Variants in NCAM2 observed in about 807,000 individuals in gnomAD.
NCAM2 encodes N-CAM-2.
NCAM2 carries 30 observed loss-of-function variants against 98.1 expected under a neutral mutation model. That is an observed-to-expected ratio of 0.31 (90% CI 0.23 to 0.41). The LOEUF is 0.41. NCAM2 is among the 10% of genes least tolerant of loss of function. NCAM2 has a pLI of 1.00. For synonymous variants in NCAM2, 368 were observed against 342.4 expected, an observed-to-expected ratio of 1.07 and a Z score of -0.83; for missense variants, 867 against 1,005.8, an observed-to-expected ratio of 0.86 and a Z score of 1.87.
intron 1 of NCAM2, among the ~76,000 whole-genome samples, chr21:21,149,916 T>A (rs1458990825): frequency 6.6e-6 from 1 of 152,146 alleles, no homozygotes; most frequent in Non-Finnish European, 1.5e-5. Flanking sequence ...TTTATAATCC[T>A]TTGGGTATAT....
At position 21,153,912 on chromosome 21, in the gene NCAM2, T is replaced by G. The variant is rs1270886912; in HGVS notation, c.56-126666T>G. The stretch of plus-strand genomic sequence containing the variant: ...CAAAGTATGACAGCCAAATAAAGTG[T>G]GGGAGAGAGAGAAGGGGCATGTTCA... On this transcript the variant is annotated intron_variant, in intron 1 of 17. Coordinates refer to ENST00000400546, the MANE Select transcript of NCAM2 (RefSeq NM_004540.5). Among the ~76,000 whole-genome samples, 7 of 151,956 alleles carry G rather than the reference T, an allele frequency of 4.6e-5. No individual in the cohort carries two copies. The East Asian group carries it at 1.4e-3, about 29-fold the overall frequency.
chr21:21,537,871 G>T lies in NCAM2; in HGVS notation c.2428G>T (p.Gly810Trp). Residue 810 changes from glycine to tryptophan, a missense_variant, in exon 18 of 18, where the codon GGG becomes TGG. Gly to Trp is a radical substitution (Grantham distance 184). Around this residue, in one of 5 missense-constraint regions of NCAM2, gnomAD observed 125 missense variants for 116.1 expected, o/e 1.08. Coordinates refer to ENST00000400546, the MANE Select transcript of NCAM2 (RefSeq NM_004540.5). ...AAAATTGCCTTTAAAGGAAGAAGAT[G>T]GGAAAGAAGCTCTAAATCCAGAAAC... is the stretch of plus-strand genomic sequence containing the variant. ...PEKLPLKEEDGKEALNPETIE... is the reference protein window; with the variant it reads ...PEKLPLKEEDWKEALNPETIE... The T allele has an allele frequency of 6.4e-7, 1 of 1,565,208 alleles. No individual in the cohort carries two copies. The highest frequency in any genetic ancestry group is 1.2e-5 in the South Asian group (1 of 84,548).
intron 5 of NCAM2, among the ~76,000 whole-genome samples, chr21:21,309,009 C>A (rs1468547356): frequency 6.6e-6 from 1 of 151,954 alleles, no homozygotes; most frequent in Non-Finnish European, 1.5e-5. Context: ...AAATACCTAC[C>A]CCAGAACTGA....
intron 9 of NCAM2, among the ~76,000 whole-genome samples, chr21:21,379,675 A>G (rs949874348): frequency 1.3e-5 from 2 of 151,994 alleles, no homozygotes; most frequent in African/African-American, 4.8e-5. Context: ...CATATTAACT[A>G]TTTTGGTGAA....
At chr21:21,337,742 A>G (rs1310509550) in intron 7 of NCAM2, among the ~76,000 whole-genome samples, 4 of 151,998 alleles carry the variant, frequency 2.6e-5, no homozygotes, top group African/African-American at 4.8e-5. Context: ...TATACAATTG[A>G]TGATTAAAAA....
chr21:21,274,624 T>G (rs1337506673), intron 1 of NCAM2, among the ~76,000 whole-genome samples: 1 of 152,324 alleles, frequency 6.6e-6, no homozygotes, highest in South Asian at 2.1e-4. Context: ...TTTGCTATAA[T>G]CAATAATTTA....
At chr21:21,379,180 G>C (rs1401434489) in intron 9 of NCAM2, among the ~76,000 whole-genome samples, 2 of 151,930 alleles carry the variant, frequency 1.3e-5, no homozygotes, top group Admixed American at 1.3e-4. Flanking sequence ...CTAAGAGTTT[G>C]ACAAAGTTGT....
rs61635255 is a variant in NCAM2, at chr21:21,522,632, C to CTTTTT, written c.2283-11893_2283-11889dup. Among the ~76,000 whole-genome samples the CTTTTT allele has an allele frequency of 4.3e-3, 537 of 124,714 alleles. 9 individuals are homozygous for CTTTTT. The highest frequency in any genetic ancestry group is 0.029 in the East Asian group (120 of 4,146). 81.8% of individuals were successfully genotyped at this position (124,714 alleles called of 152,430 possible). ...AAGTTCTTTTTTTCTTTTTCTTTTT[C>CTTTTT]TTTTTTTTTTTTTTTTGAGACAGAG... On this transcript the variant is annotated intron_variant, in intron 16 of 17. Transcript: ENST00000400546.
intron 12 of NCAM2, among the ~76,000 whole-genome samples, chr21:21,466,276 G>A (rs1983667713): frequency 6.6e-6 from 1 of 151,860 alleles, no homozygotes; most frequent in African/African-American, 2.4e-5. Context: ...CAGAATATAT[G>A]CATTTTAGCA....
intron 1 of NCAM2, among the ~76,000 whole-genome samples, chr21:21,227,724 G>A (rs185341700): frequency 7.5e-4 from 114 of 151,804 alleles, no homozygotes; most frequent in African/African-American, 2.6e-3. Context: ...TTTAAATTGT[G>A]GAGAAATCAT....
intron 1 of NCAM2, among the ~76,000 whole-genome samples, chr21:21,098,348 C>T (rs2066168231): frequency 6.6e-6 from 1 of 151,592 alleles, no homozygotes; most frequent in South Asian, 2.1e-4. Flanking sequence ...CTGTAAAAGC[C>T]TATTAGACCT....
At chr21:21,228,714 A>G (rs1292425701) in intron 1 of NCAM2, among the ~76,000 whole-genome samples, 2 of 151,470 alleles carry the variant, frequency 1.3e-5, no homozygotes, top group East Asian at 3.9e-4. Flanking sequence ...CTTCATAGGA[A>G]CCATCAATAT....
At chr21:21,450,317 T>C (rs1157069332) in intron 12 of NCAM2, among the ~76,000 whole-genome samples, 1 of 149,290 alleles carries the variant, frequency 6.7e-6, no homozygotes, top group Non-Finnish European at 1.5e-5. Context: ...TGTGTGTGTG[T>C]GTGCCTCATG....
At chr21:21,324,528 C>T (rs917057143) in intron 6 of NCAM2, 28 bp downstream of exon 6, 2 of 1,448,654 alleles carry the variant, frequency 1.4e-6, no homozygotes, top group African/African-American at 2.8e-5. Flanking sequence ...CTCCCTCTGG[C>T]TTGTGTCCAT....
At chr21:21,344,313 G>A (rs546608257) in intron 8 of NCAM2, among the ~76,000 whole-genome samples, 10 of 152,226 alleles carry the variant, frequency 6.6e-5, no homozygotes, top group African/African-American at 1.9e-4. Flanking sequence ...GCACAGCCAT[G>A]GGGGTAAAGC....
intron 9 of NCAM2, among the ~76,000 whole-genome samples, chr21:21,395,921 C>A: frequency 6.6e-6 from 1 of 152,094 alleles, no homozygotes; most frequent in Non-Finnish European, 1.5e-5. Context: ...TAGAAGATAA[C>A]ATGGGAAAAA....
chr21:21,080,647 A>T (rs2065774662), intron 1 of NCAM2, among the ~76,000 whole-genome samples: 1 of 95,156 alleles, frequency 1.1e-5, no homozygotes, highest in Non-Finnish European at 2.1e-5. Context: ...GTTGGAATTG[A>T]TAAGATCTCA....
chr21:21,237,658 T>A (rs2070887266), intron 1 of NCAM2, among the ~76,000 whole-genome samples: 1 of 152,262 alleles, frequency 6.6e-6, no homozygotes, highest in Admixed American at 6.5e-5. Flanking sequence ...TTTACTGTTT[T>A]TCAAATTAAT....
At chr21:21,311,104 G>A (rs977244439) in intron 5 of NCAM2, among the ~76,000 whole-genome samples, 1 of 152,114 alleles carries the variant, frequency 6.6e-6, no homozygotes, top group Admixed American at 6.6e-5. Context: ...ACAACAATTT[G>A]TCTACACAAA....
Sources: gnomAD v4.1 joint callset for allele counts (sites outside exome capture counted in the v4.1 genomes callset) on GRCh38, gnomAD v4.1.1 for gene constraint, gnomAD v4.1.1 regional missense constraint, MANE v1.5 for transcripts, NCBI Gene and HGNC (gene_info 2026-07-23, HGNC 2026-07-21) for gene names.